Variants in ZNF33B observed in about 807,000 individuals in gnomAD.
ZNF33B encodes zinc finger protein 33B.
In ZNF33B, 29 loss-of-function variants were observed where a neutral mutation model predicts 45.8. The observed-to-expected ratio is 0.63, with a 90% CI of 0.47 to 0.86. The LOEUF is 0.86. Ranked by LOEUF, ZNF33B falls within the 40% of genes least tolerant of loss-of-function variation. The pLI is 0.00. For synonymous variants in ZNF33B, 305 were observed against 307.8 expected, an observed-to-expected ratio of 0.99 and a Z score of 0.10; for missense variants, 831 against 909.9, an observed-to-expected ratio of 0.91 and a Z score of 1.12.
At chr10:42,625,404 T>C (rs1400862768) in intron 4 of ZNF33B, among the ~76,000 whole-genome samples, 1 of 152,228 alleles carries the variant, frequency 6.6e-6, no homozygotes, top group Non-Finnish European at 1.5e-5. Context: ...AAATTGATTA[T>C]ATGTGTTCAT....
rs868843330 is a variant in ZNF33B at position 42,593,923 on chromosome 10, G to A, written c.1027C>T (p.His343Tyr). The change falls in exon 5 of 5, where the codon CAT becomes TAT. Residue 343 changes from histidine to tyrosine, a missense_variant. His to Tyr is a moderately conservative substitution (Grantham distance 83). Coordinates refer to ENST00000359467, the MANE Select transcript of ZNF33B (RefSeq NM_006955.3). Reference sequence around the variant, plus strand: ...TGCACCCTCTGATGTCGAGTGAGATGTGACTTCTCCCAGAAAGCTTTCCCA... The same window carrying A: ...TGCACCCTCTGATGTCGAGTGAGATATGACTTCTCCCAGAAAGCTTTCCCA... ...ECGKAFWEKS[H>Y]LTRHQRVHTG... The A allele has an allele frequency of 3.1e-6, 5 of 1,613,844 alleles. No individual in the cohort carries two copies. The South Asian group carries it at 5.5e-5, about 18-fold the overall frequency.
Position 42,593,306 on chromosome 10 carries a change from T to A in ZNF33B, c.1644A>T (p.Thr548=). Residue 548 remains threonine (T), a synonymous_variant, in exon 5 of 5, where the codon ACA becomes ACT. Transcript: ENST00000359467. The stretch of plus-strand genomic sequence containing the variant: ...CAGGACATGCAAAGGGTTTCTCCCC[T>A]GTGTGCGTTCTCTGATGTATTGTGA... ...SDLTIHQRTH[T]GEKPFACPEC... 6 of 1,614,054 alleles carry A rather than the reference T, an allele frequency of 3.7e-6. No homozygotes were observed. Among genetic ancestry groups the A allele is most frequent in the Non-Finnish European group, 5.1e-6 (6 of 1,179,956 alleles).
At chr10:42,631,790 G>A in intron 4 of ZNF33B, 139 bp downstream of exon 4, 2 of 717,260 alleles carry the variant, frequency 2.8e-6, no homozygotes, top group East Asian at 2.5e-5. Flanking sequence ...TTAGCAATCA[G>A]TATTCTCCAT....
At position 42,592,755 on chromosome 10, in the gene ZNF33B, C is replaced by T. The variant is rs749874454; in HGVS notation, c.2195G>A (p.Arg732His). 2.4e-5 allele frequency: 38 copies of T among 1,613,854 alleles called. No homozygotes were observed. The Admixed American group carries it at 3.0e-4, about 13-fold the overall frequency. Residue 732 changes from arginine to histidine, a missense_variant, in exon 5 of 5, where the codon CGT (arginine) becomes CAT (histidine). Transcript: ENST00000359467. ...CTGATGTTTAGCAAGGTCTGATTTA[C>T]GGTAAAAGATTTTTCCACATTCATT... ...QCNECGKIFY[R>H]KSDLAKHQRS...
chr10:42,588,976 T>C (rs927502091), downstream of ZNF33B: 15 of 162,116 alleles, frequency 9.3e-5, no homozygotes, highest in Non-Finnish European at 2.6e-5. Flanking sequence ...AGGTCACAGT[T>C]ACCATAATTT....
At chr10:42,578,828 C>T (rs1430281187) in intron 1 of ZNF33B, 1 of 152,252 alleles carries the variant, frequency 6.6e-6, no homozygotes, top group African/African-American at 2.4e-5. Context: ...GTTTTCTCCA[C>T]TACGAAGGCT....
downstream of ZNF33B, among the ~76,000 whole-genome samples, chr10:42,585,839 A>G (rs1403640908): frequency 6.6e-6 from 1 of 152,218 alleles, no homozygotes; most frequent in Non-Finnish European, 1.5e-5. Flanking sequence ...TTCAAGTGGT[A>G]CCCATGGATT....
rs146798153 is a variant in ZNF33B at position 42,594,283 on chromosome 10, T to C, written c.667A>G (p.Ile223Val). ...TTTTCAAGGAGGGTTTCCTGACATA[T>C]ACTGTATTCAAAATTGTGGTCTAAA... The part of the protein sequence containing the change: ...QTLDHNFEYS[I>V]CQETLLEKAV... The change falls in exon 5 of 5, where the codon ATA (isoleucine) becomes GTA (valine). Residue 223 changes from isoleucine (I) to valine (V), a missense_variant. Coordinates refer to ENST00000359467, the MANE Select transcript of ZNF33B (RefSeq NM_006955.3). 4.8e-5 allele frequency: 77 copies of C among 1,613,794 alleles called. No individual in the cohort carries two copies. The highest frequency in any genetic ancestry group is 5.8e-5 in the Non-Finnish European group (69 of 1,179,932).
intron 2 of ZNF33B, among the ~76,000 whole-genome samples, chr10:42,633,550 A>AAAG (rs1426012273): frequency 6.6e-6 from 1 of 152,240 alleles, no homozygotes; most frequent in Non-Finnish European, 1.5e-5. Flanking sequence ...AAGAAAAAAA[A>AAAG]TGTTTCCTCT....
chr10:42,636,686 G>A (rs185131940), intron 2 of ZNF33B: 40 of 554,004 alleles, frequency 7.2e-5, no homozygotes, highest in African/African-American at 1.5e-4. Flanking sequence ...CAGGCGTGGC[G>A]GCCTGCGCCT....
Position 42,593,076 on chromosome 10 carries a change from G to A in ZNF33B, c.1874C>T (p.Thr625Ile). The A allele has an allele frequency of 6.2e-7, 1 of 1,613,982 alleles. No homozygotes were observed. The highest frequency in any genetic ancestry group is 8.5e-7 in the Non-Finnish European group (1 of 1,179,964). Residue 625 changes from threonine (T) to isoleucine (I), a missense_variant, in exon 5 of 5, where the codon ACT (threonine) becomes ATT (isoleucine). Physicochemically the swap from Thr to Ile is moderately conservative, Grantham distance 89. Coordinates refer to ENST00000359467, the MANE Select transcript of ZNF33B (RefSeq NM_006955.3). ...GKTFCQKSQL[T>I]QHQRIHIGEK... is the part of the protein sequence containing the mutation. Reference sequence around the variant, plus strand: ...CCCTATGTGAATTCTCTGATGCTGAGTGAGTTGTGACTTCTGGCAGAAGGT... The same window carrying A: ...CCCTATGTGAATTCTCTGATGCTGAATGAGTTGTGACTTCTGGCAGAAGGT...
intron 4 of ZNF33B, among the ~76,000 whole-genome samples, chr10:42,600,373 A>G (rs1370950860): frequency 6.6e-6 from 1 of 152,104 alleles, no homozygotes; most frequent in Middle Eastern, 3.2e-3. Flanking sequence ...CAAATCTGTT[A>G]CTAAGTTTAG....
intron 1 of ZNF33B, among the ~76,000 whole-genome samples, chr10:42,575,793 C>G (rs1416805783): frequency 6.7e-6 from 1 of 149,970 alleles, no homozygotes; most frequent in East Asian, 2.0e-4. Context: ...TGCACTAGAG[C>G]AATCTCAGCT....
At chr10:42,608,374 C>G (rs1263627796) in intron 4 of ZNF33B, among the ~76,000 whole-genome samples, 6 of 152,026 alleles carry the variant, frequency 3.9e-5, no homozygotes, top group African/African-American at 1.4e-4. Flanking sequence ...ATAGACAGAA[C>G]ATTCCACTTG....
intron 4 of ZNF33B, among the ~76,000 whole-genome samples, chr10:42,620,242 CAAA>C (rs139080686): frequency 0.017 from 2,330 of 140,700 alleles, 72 homozygotes; most frequent in African/African-American, 0.059. Context: ...AAATGAAACA[CAAA>C]GAAGGCAGTA....
intron 1 of ZNF33B, chr10:42,582,907 T>C: frequency 2.1e-6 from 1 of 487,076 alleles, no homozygotes; most frequent in South Asian, 2.2e-5. Flanking sequence ...CTTTAGGCTG[T>C]TTCCAAATTT....
chr10:42,574,271 G>T (rs1197972553), exon 2 of ZNF33B: 2 of 150,744 alleles, frequency 1.3e-5, no homozygotes, highest in East Asian at 3.9e-4. Context: ...CCTCATTAAA[G>T]TGGCCTATGG....
chr10:42,615,871 G>A (rs1240246511), intron 4 of ZNF33B, among the ~76,000 whole-genome samples: 1 of 151,696 alleles, frequency 6.6e-6, no homozygotes, highest in African/African-American at 2.4e-5. Context: ...GCTGCAGTGA[G>A]CCGAGATCAC....
chr10:42,582,861 A>G, intron 1 of ZNF33B: 1 of 365,422 alleles, frequency 2.7e-6, no homozygotes, highest in South Asian at 3.2e-5. Context: ...GTGCCAGTGC[A>G]CTTCCTCAGT....
Sources: gnomAD v4.1 joint callset for allele counts (sites outside exome capture counted in the v4.1 genomes callset) on GRCh38, gnomAD v4.1.1 for gene constraint, MANE v1.5 for transcripts, NCBI Gene and HGNC (gene_info 2026-07-23, HGNC 2026-07-21) for gene names.